TRIB1: variants seen among roughly 807,000 people sequenced by gnomAD.
The protein encoded by TRIB1 is tribbles homolog 1.
A neutral mutation model predicts 27.8 loss-of-function variants in TRIB1; 12 were observed. The ratio of observed to expected loss-of-function variants is 0.43; its 90% CI spans 0.28 to 0.70. TRIB1 has a LOEUF of 0.70. Ranked by LOEUF, TRIB1 falls within the 30% of genes least tolerant of loss-of-function variation. TRIB1 has a pLI of 0.18. For missense variants in TRIB1, 475 were observed against 515.8 expected, an observed-to-expected ratio of 0.92 and a Z score of 0.77; for synonymous variants, 230 against 224.9, an observed-to-expected ratio of 1.02 and a Z score of -0.20.
chr8:125,434,761 G>A (rs948566055), intron 2 of TRIB1, among the ~76,000 whole-genome samples: 6 of 152,200 alleles, frequency 3.9e-5, no homozygotes, highest in Admixed American at 3.3e-4. Flanking sequence ...CAGCACAGGT[G>A]CAGGGTTTTA....
In TRIB1 at chr8:125,430,775, G is replaced by T; in HGVS notation, c.-128G>T. 8.0e-7 allele frequency: 1 copy of T among 1,251,880 alleles called. No homozygotes were observed. Among genetic ancestry groups the T allele is most frequent in the Non-Finnish European group, 1.0e-6 (1 of 976,576 alleles). 77.5% of individuals were successfully genotyped at this position (1,251,880 alleles called of 1,614,324 possible). On this transcript the variant is annotated 5_prime_UTR_variant, in exon 1 of 3. Transcript: ENST00000311922. ...CTGCTTTGCCCCTCGTGGGGGCCGAGCCAAGACCAGTCTGCAAACTCCATC... is the reference window on the plus strand; with the variant it reads ...CTGCTTTGCCCCTCGTGGGGGCCGATCCAAGACCAGTCTGCAAACTCCATC...
In TRIB1 at chr8:125,433,850, T is replaced by C; in HGVS notation, c.653+241T>C. On this transcript the variant is annotated intron_variant, in intron 2 of 2. Transcript: ENST00000311922. This position sits in a 1 kb window ranked among gnomAD's most constrained non-coding sequence, Gnocchi z 4.4. ...GGGATGGCAAGTGTTGACAGGGTGC[T>C]CTTCCTCTCCTACCCCAGGATCAGG... 2.0e-6 allele frequency: 1 copy of C among 510,592 alleles called. No individual in the cohort carries two copies. 31.6% of individuals were successfully genotyped at this position (510,592 alleles called of 1,614,324 possible).
rs140952648 is a variant in TRIB1, at chr8:125,436,825, G to T, written c.*354G>T. ...ATTCGAATGGGAGAAAAAGCAAATCGCACAATGACATATTTTGAGTAATAA... is the reference window on the plus strand; with the variant it reads ...ATTCGAATGGGAGAAAAAGCAAATCTCACAATGACATATTTTGAGTAATAA... On this transcript the variant is annotated 3_prime_UTR_variant, in exon 3 of 3. Transcript: ENST00000311922. The T allele has an allele frequency of 7.0e-6, 2 of 287,548 alleles. No individual in the cohort carries two copies. The highest frequency in any genetic ancestry group is 7.5e-5 in the East Asian group (1 of 13,342). The allele number at this position is 287,548 out of a possible 1,614,324, so 17.8% of individuals were successfully genotyped here.
intron 1 of TRIB1, chr8:125,432,901 C>T (rs72647337): frequency 5.9e-6 from 1 of 168,522 alleles, no homozygotes. Flanking sequence ...GGCACATGCA[C>T]GTCCAGGGAC....
rs1003115643 is a variant in TRIB1 at position 125,433,834 on chromosome 8, A to G, written c.653+225A>G. 4 of 538,180 alleles carry G rather than the reference A, an allele frequency of 7.4e-6. No homozygotes were observed. Among genetic ancestry groups the G allele is most frequent in the South Asian group, 5.0e-5 (2 of 39,986 alleles). The allele number at this position is 538,180 out of a possible 1,614,324, so 33.3% of individuals were successfully genotyped here. On this transcript the variant is annotated intron_variant, in intron 2 of 2. Coordinates refer to ENST00000311922, the MANE Select transcript of TRIB1 (RefSeq NM_025195.4). The surrounding 1 kb of genome is among the most constrained non-coding windows in gnomAD (Gnocchi z 4.4). The stretch of plus-strand genomic sequence containing the variant: ...ACCGTGGCGCTTCTATGGGATGGCA[A>G]GTGTTGACAGGGTGCTCTTCCTCTC...
rs1300785261 is a variant in TRIB1, at chr8:125,436,742, T to G, written c.*271T>G. 3 of 531,740 alleles carry G rather than the reference T, an allele frequency of 5.6e-6. No homozygotes were observed. The African/African-American group carries it at 5.7e-5, about 10-fold the overall frequency. 32.9% of individuals were successfully genotyped at this position (531,740 alleles called of 1,614,324 possible). ...GGATTTGGGAGTTCCGCATCTTTTG[T>G]GGAGGGCAGAGTATGGACATCTTAC... On this transcript the variant is annotated 3_prime_UTR_variant, in exon 3 of 3. Coordinates refer to ENST00000311922, the MANE Select transcript of TRIB1 (RefSeq NM_025195.4).
At chr8:125,431,804 C>T (rs1032748266) in intron 1 of TRIB1, among the ~76,000 whole-genome samples, 3 of 152,202 alleles carry the variant, frequency 2.0e-5, no homozygotes, top group African/African-American at 7.2e-5. Context: ...AGAACACGCC[C>T]TCCCAAGGGA....
At position 125,431,146 on chromosome 8, in the gene TRIB1, TC is replaced by T; in HGVS notation, c.246del (p.Ser84AlafsTer16). 2 of 1,311,034 alleles carry T rather than the reference TC, an allele frequency of 1.5e-6. No individual in the cohort carries two copies. Among genetic ancestry groups the T allele is most frequent in the Non-Finnish European group, 1.9e-6 (2 of 1,037,714 alleles). The allele number at this position is 1,311,034 out of a possible 1,614,324, so 81.2% of individuals were successfully genotyped here. ...TGCCGCTCCGGGGGCCGGCGGAGGC[TC>T]CGGGAGCGCGCCGGGGCCCAGCCGC... The part of the protein sequence containing the change: ...PPAAPGAGGG[S>X]GSAPGPSRIA... On this transcript the variant is annotated frameshift_variant, in exon 1 of 3. Coordinates refer to ENST00000311922, the MANE Select transcript of TRIB1 (RefSeq NM_025195.4). LOFTEE classifies it high-confidence loss of function.
chr8:125,436,571 C>A lies in TRIB1; in HGVS notation c.*100C>A. 8.6e-7 allele frequency: 1 copy of A among 1,162,440 alleles called. No homozygotes were observed. Among genetic ancestry groups the A allele is most frequent in the Non-Finnish European group, 1.2e-6 (1 of 819,046 alleles). The allele number at this position is 1,162,440 out of a possible 1,614,324, so 72.0% of individuals were successfully genotyped here. A position where few individuals can be genotyped will look rare whatever the true frequency, so the allele number is the denominator to read the frequency against. On this transcript the variant is annotated 3_prime_UTR_variant, in exon 3 of 3. Transcript: ENST00000311922. The stretch of plus-strand genomic sequence containing the variant: ...CGTGGTACCAACCAGATAATGACTG[C>A]ATCAGGATGAAAGCTGCTGAACTCG...
chr8:125,432,250 C>T, intron 1 of TRIB1: 11 of 983,576 alleles, frequency 1.1e-5, no homozygotes, highest in Non-Finnish European at 1.3e-5. Context: ...CATGATCAAG[C>T]CCAGTTTAAT....
Position 125,436,563 on chromosome 8 carries a change from A to T in TRIB1, c.*92A>T, listed in dbSNP as rs1814755451. On this transcript the variant is annotated 3_prime_UTR_variant, in exon 3 of 3. Coordinates refer to ENST00000311922, the MANE Select transcript of TRIB1 (RefSeq NM_025195.4). ...CCCTTTGGCGTGGTACCAACCAGAT[A>T]ATGACTGCATCAGGATGAAAGCTGC... is the stretch of plus-strand genomic sequence containing the variant. The T allele has an allele frequency of 2.4e-6, 3 of 1,230,258 alleles. No homozygotes were observed. Among genetic ancestry groups the T allele is most frequent in the Non-Finnish European group, 3.4e-6 (3 of 872,932 alleles). 76.2% of individuals were successfully genotyped at this position (1,230,258 alleles called of 1,614,324 possible). A position where few individuals can be genotyped will look rare whatever the true frequency, so the allele number is the denominator to read the frequency against.
At position 125,431,147 on chromosome 8, in the gene TRIB1, C is replaced by T. The variant is rs934968372; in HGVS notation, c.245C>T (p.Ser82Phe). The change falls in exon 1 of 3, where the codon TCC becomes TTC. Residue 82 changes from serine (S) to phenylalanine (F), a missense_variant. Coordinates refer to ENST00000311922, the MANE Select transcript of TRIB1 (RefSeq NM_025195.4). ...PPAAPGAGGG[S>F]GSAPGPSRIA... is the part of the protein sequence containing the mutation. ...GCCGCTCCGGGGGCCGGCGGAGGCT[C>T]CGGGAGCGCGCCGGGGCCCAGCCGC... The T allele has an allele frequency of 7.6e-7, 1 of 1,311,590 alleles. No homozygotes were observed. Among genetic ancestry groups the T allele is most frequent in the Non-Finnish European group, 9.6e-7 (1 of 1,038,050 alleles). The allele number at this position is 1,311,590 out of a possible 1,614,324, so 81.2% of individuals were successfully genotyped here.
rs1383830553 is a variant in TRIB1 at position 125,437,278 on chromosome 8, T to C, written c.*807T>C. The C allele has an allele frequency of 6.6e-6, 1 of 152,420 alleles. No individual in the cohort carries two copies. The highest frequency in any genetic ancestry group is 2.4e-5 in the African/African-American group (1 of 41,472). 9.4% of individuals were successfully genotyped at this position (152,420 alleles called of 1,614,324 possible). On this transcript the variant is annotated 3_prime_UTR_variant, in exon 3 of 3. Coordinates refer to ENST00000311922, the MANE Select transcript of TRIB1 (RefSeq NM_025195.4). ...TGAGTGCTTGGAAACTATTAGCTTTTTAAGTTCCTTCCAAATATGTTAGTA... is the reference window on the plus strand; with the variant it reads ...TGAGTGCTTGGAAACTATTAGCTTTCTAAGTTCCTTCCAAATATGTTAGTA...
At position 125,430,832 on chromosome 8, in the gene TRIB1, C is replaced by T; in HGVS notation, c.-71C>T. 7.4e-7 allele frequency: 1 copy of T among 1,349,162 alleles called. No individual in the cohort carries two copies. Among genetic ancestry groups the T allele is most frequent in the Non-Finnish European group, 9.5e-7 (1 of 1,055,346 alleles). The allele number at this position is 1,349,162 out of a possible 1,614,324, so 83.6% of individuals were successfully genotyped here. ...GCTGGAAGAAGTCGCGGAGCCGGCA[C>T]CAAACCCGCAGCGTCTTCCCGCGCG... is the stretch of plus-strand genomic sequence containing the variant. On this transcript the variant is annotated 5_prime_UTR_variant, in exon 1 of 3. Coordinates refer to ENST00000311922, the MANE Select transcript of TRIB1 (RefSeq NM_025195.4).
Position 125,435,976 on chromosome 8 carries a change from A to AAAT in TRIB1, c.654-26_654-24dup, listed in dbSNP as rs766437975. On this transcript the variant is annotated intron_variant, in intron 2 of 2. Transcript: ENST00000311922. ...TTGTTTTTCATAGCAGCTGGTGTGG[A>AAAT]AATAATGGCTTGGTTCCTCTCTCTT... is the stretch of plus-strand genomic sequence containing the variant. The AAAT allele has an allele frequency of 8.2e-6, 13 of 1,583,708 alleles. No homozygotes were observed. The East Asian group carries it at 2.9e-4, about 36-fold the overall frequency.
chr8:125,433,960 GTGTTCAAATCTTTGCTTA>G lies in TRIB1; in HGVS notation c.653+354_653+371del, dbSNP rs1298449960. ...TTTACGATATTGCCTTCTGAAGGAAGTGTTCAAATCTTTGCTTATGCCAAGTGCTGTTTTGTACCTGGA... is the reference window on the plus strand; with the variant it reads ...TTTACGATATTGCCTTCTGAAGGAAGTGCCAAGTGCTGTTTTGTACCTGGA... On this transcript the variant is annotated intron_variant, in intron 2 of 2. Coordinates refer to ENST00000311922, the MANE Select transcript of TRIB1 (RefSeq NM_025195.4). The surrounding 1 kb of genome is among the most constrained non-coding windows in gnomAD (Gnocchi z 4.4). Among the ~76,000 whole-genome samples the G allele has an allele frequency of 2.6e-5, 4 of 152,204 alleles. No individual in the cohort carries two copies. Among genetic ancestry groups the G allele is most frequent in the African/African-American group, 9.7e-5 (4 of 41,446 alleles).
At position 125,436,786 on chromosome 8, in the gene TRIB1, T is replaced by C. The variant is rs1273639116; in HGVS notation, c.*315T>C. ...ATCTTACACCCGGTGGTCAAGTGTG[T>C]AATAAACTTGAGCATTCGAATGGGA... is the stretch of plus-strand genomic sequence containing the variant. On this transcript the variant is annotated 3_prime_UTR_variant, in exon 3 of 3. Coordinates refer to ENST00000311922, the MANE Select transcript of TRIB1 (RefSeq NM_025195.4). 2.5e-6 allele frequency: 1 copy of C among 397,924 alleles called. No homozygotes were observed. The highest frequency in any genetic ancestry group is 4.6e-6 in the Non-Finnish European group (1 of 218,882). The allele number at this position is 397,924 out of a possible 1,614,324, so 24.6% of individuals were successfully genotyped here.
chr8:125,432,013 G>C (rs766437417), intron 1 of TRIB1, among the ~76,000 whole-genome samples: 9 of 152,294 alleles, frequency 5.9e-5, no homozygotes, highest in Non-Finnish European at 8.8e-5. Flanking sequence ...CTCCTGCGCG[G>C]GTAGACGCAG....
Position 125,436,003 on chromosome 8 carries a change from C to A in TRIB1, c.654-3C>A. 1 of 1,609,528 alleles carries A rather than the reference C, an allele frequency of 6.2e-7. No individual in the cohort carries two copies. Among genetic ancestry groups the A allele is most frequent in the Non-Finnish European group, 8.5e-7 (1 of 1,177,434 alleles). ...ATAATGGCTTGGTTCCTCTCTCTTG[C>A]AGAACCCAGCTTAGACTAGAAAGTC... On this transcript the variant is annotated splice_region_variant and splice_polypyrimidine_tract_variant and intron_variant, in intron 2 of 2. Coordinates refer to ENST00000311922, the MANE Select transcript of TRIB1 (RefSeq NM_025195.4).
Sources: allele counts gnomAD v4.1 joint callset (sites outside exome capture counted in the v4.1 genomes callset), GRCh38; gene constraint gnomAD v4.1.1; non-coding constraint Gnocchi (gnomAD v3.1); transcripts MANE v1.5; gene names NCBI Gene and HGNC (gene_info 2026-07-23, HGNC 2026-07-21).